PIBF1: variants seen among roughly 807,000 people sequenced by gnomAD.
The protein encoded by PIBF1 is progesterone immunomodulatory binding factor 1.
In PIBF1, 90 loss-of-function variants were observed where a neutral mutation model predicts 112.5. That is an observed-to-expected ratio of 0.80 (90% CI 0.67 to 0.95). The LOEUF (loss-of-function observed/expected upper bound fraction) is 0.95, where lower values mean the gene tolerates loss of function less well. Ranked by LOEUF, PIBF1 falls within the 40% of genes least tolerant of loss-of-function variation. The probability of loss-of-function intolerance (pLI) is 0.00; values close to 1 mark genes in which losing one functional copy is unlikely to be tolerated. For missense variants in PIBF1, 915 were observed against 852.3 expected (o/e 1.07, Z -0.92); for synonymous variants, 301 against 288.6 (o/e 1.04, Z -0.44).
chr13:72,971,403 A>G (rs2042887978), intron 15 of PIBF1, among the ~76,000 whole-genome samples: 1 of 152,200 alleles, frequency 6.6e-6, no homozygotes, highest in Admixed American at 6.5e-5. Flanking sequence ...TTCTAGAGTT[A>G]GAGAAACATG....
At chr13:72,821,368 T>C (rs1190947675) in intron 5 of PIBF1, among the ~76,000 whole-genome samples, 1 of 152,158 alleles carries the variant, frequency 6.6e-6, no homozygotes, top group Non-Finnish European at 1.5e-5. Context: ...CACGATTCCT[T>C]TTTTTCTGAG....
chr13:72,785,231 G>C (rs2034536670), intron 2 of PIBF1, among the ~76,000 whole-genome samples: 1 of 152,174 alleles, frequency 6.6e-6, no homozygotes, highest in South Asian at 2.1e-4. Context: ...AACTAACATA[G>C]CATCCTTATC....
chr13:73,015,838 T>TATTGG (rs1194581039), intron 17 of PIBF1, 31 bp from the exon 18 acceptor site: 10 of 1,402,458 alleles, frequency 7.1e-6, no homozygotes, highest in Non-Finnish European at 9.8e-6. Flanking sequence ...GTAAGCATTT[T>TATTGG]ATTGGATTTT....
intron 2 of PIBF1, among the ~76,000 whole-genome samples, chr13:72,789,393 TC>T (rs1393062806): frequency 2.0e-5 from 3 of 152,046 alleles, no homozygotes; most frequent in Admixed American, 1.3e-4. Context: ...CACTATGTTG[TC>T]CAGGCTAGTC....
At chr13:72,885,488 A>G (rs1194968445) in intron 10 of PIBF1, among the ~76,000 whole-genome samples, 1 of 152,156 alleles carries the variant, frequency 6.6e-6, no homozygotes, top group Non-Finnish European at 1.5e-5. Context: ...TCACTCAGTA[A>G]GCATTAAGAG....
intron 10 of PIBF1, among the ~76,000 whole-genome samples, chr13:72,871,919 A>G (rs1770893207): frequency 6.6e-6 from 1 of 152,088 alleles, no homozygotes; most frequent in Non-Finnish European, 1.5e-5. Context: ...TTTTGAATTC[A>G]CCCTAATATC....
At chr13:72,801,339 G>A (rs151308882) in intron 5 of PIBF1, among the ~76,000 whole-genome samples, 1 of 151,484 alleles carries the variant, frequency 6.6e-6, no homozygotes, top group East Asian at 1.9e-4. Context: ...TGTGACACTC[G>A]CAGATGAACT....
At chr13:72,872,446 TAAG>T (rs1254627910) in intron 10 of PIBF1, among the ~76,000 whole-genome samples, 1 of 152,108 alleles carries the variant, frequency 6.6e-6, no homozygotes, top group Non-Finnish European at 1.5e-5. Context: ...AGTTGACATA[TAAG>T]AATAAGGATC....
chr13:72,798,069 T>C, intron 5 of PIBF1, 43 bp downstream of exon 5: 1 of 1,551,738 alleles, frequency 6.4e-7, no homozygotes, highest in Non-Finnish European at 8.7e-7. Flanking sequence ...GCTTCGGCTT[T>C]TTCTGTAGAG....
At chr13:72,906,887 C>T (rs2040722832) in intron 11 of PIBF1, among the ~76,000 whole-genome samples, 1 of 151,896 alleles carries the variant, frequency 6.6e-6, no homozygotes, top group African/African-American at 2.4e-5. Flanking sequence ...TTTACTGATT[C>T]TCTCTTTTGA....
At chr13:73,002,983 C>CAA (rs1161228077) in intron 17 of PIBF1, among the ~76,000 whole-genome samples, 18,001 of 57,308 alleles carry the variant, frequency 0.31, 5,653 homozygotes, top group African/African-American at 0.58. Flanking sequence ...ACTCTGGTCT[C>CAA]AAAAAAAAAA....
At chr13:72,832,071 CCTTTTTTTTTTTTTTTTTT>C (rs1398186633) in intron 8 of PIBF1, among the ~76,000 whole-genome samples, 1 of 59,492 alleles carries the variant, frequency 1.7e-5, no homozygotes, top group Admixed American at 2.5e-4. Context: ...GCAATTCCGG[CCTTTTTTTTTTTTTTTTTT>C]TTTTTTTTTT....
intron 16 of PIBF1, among the ~76,000 whole-genome samples, chr13:72,994,542 A>G (rs1425735996): frequency 6.6e-6 from 1 of 152,204 alleles, no homozygotes; most frequent in Admixed American, 6.5e-5. Flanking sequence ...ATTCTCTGCA[A>G]TAAACAATAT....
chr13:72,829,318 A>G (rs1209554039), intron 8 of PIBF1, among the ~76,000 whole-genome samples: 1 of 152,080 alleles, frequency 6.6e-6, no homozygotes, highest in Admixed American at 6.5e-5. Flanking sequence ...TTTTGCTGCC[A>G]TTGCTTTTGG....
chr13:72,918,297 A>T (rs143842345), intron 13 of PIBF1, among the ~76,000 whole-genome samples: 21 of 152,126 alleles, frequency 1.4e-4, no homozygotes, highest in African/African-American at 4.3e-4. Flanking sequence ...ACCACACAGC[A>T]GAGCATTTCT....
intron 15 of PIBF1, among the ~76,000 whole-genome samples, chr13:72,968,163 G>A (rs1472152566): frequency 4.0e-5 from 6 of 151,802 alleles, no homozygotes; most frequent in Admixed American, 3.3e-4. Context: ...CAACCTGGGC[G>A]ACAGAGCCAG....
At chr13:72,977,447 A>G (rs2043052230) in intron 16 of PIBF1, among the ~76,000 whole-genome samples, 1 of 152,156 alleles carries the variant, frequency 6.6e-6, no homozygotes, top group Non-Finnish European at 1.5e-5. Flanking sequence ...ACCTCAGGCA[A>G]TCCACCTGCC....
chr13:72,866,270 T>C (rs1181459685), intron 10 of PIBF1, among the ~76,000 whole-genome samples: 2 of 152,214 alleles, frequency 1.3e-5, no homozygotes, highest in African/African-American at 4.8e-5. Flanking sequence ...AATAAGGTAA[T>C]AGTCACAGCT....
chr13:72,808,596 A>G lies in PIBF1; in HGVS notation c.672+10570A>G, dbSNP rs148291605. ...GGGCAGGTGTTCAAATTTCAGTTCA[A>G]TTTTTTTTGGTATTATTGGGGCTGC... On this transcript the variant is annotated intron_variant, in intron 5 of 17. Coordinates refer to ENST00000326291, the MANE Select transcript of PIBF1 (RefSeq NM_006346.4). 5.3e-5 allele frequency among the ~76,000 whole-genome samples: 8 copies of G among 152,032 alleles called. No individual in the cohort carries two copies. The East Asian group carries it at 9.7e-4, about 18-fold the overall frequency.
Sources: gnomAD v4.1 joint callset for allele counts (sites outside exome capture counted in the v4.1 genomes callset) on GRCh38, gnomAD v4.1.1 for gene constraint, MANE v1.5 for transcripts, NCBI Gene and HGNC (gene_info 2026-07-23, HGNC 2026-07-21) for gene names.